Variants in SVEP1 observed in about 807,000 individuals in gnomAD.
SVEP1 encodes the protein sushi, von Willebrand factor type A, EGF and pentraxin domain-containing protein 1.
In SVEP1, 164 loss-of-function variants were observed where a neutral mutation model predicts 367.3. That is an observed-to-expected ratio of 0.45 (90% CI 0.39 to 0.51). SVEP1 has a LOEUF of 0.51. SVEP1 is among the 20% of genes least tolerant of loss of function. The pLI, the probability that SVEP1 is intolerant of heterozygous loss-of-function variation, is 0.00. For missense variants in SVEP1, 4,117 were observed against 4,425.3 expected (o/e 0.93, Z 1.98); for synonymous variants, 1,666 against 1,611.6 (o/e 1.03, Z -0.81).
intron 41 of SVEP1, among the ~76,000 whole-genome samples, chr9:110,388,599 C>T (rs1034507983): frequency 1.3e-5 from 2 of 152,046 alleles, no homozygotes; most frequent in African/African-American, 4.8e-5. Context: ...CTTCTTTCAG[C>T]CCAAAGTTGA....
intron 16 of SVEP1, 43 bp from the exon 17 acceptor site, chr9:110,469,144 G>A (rs756781539): frequency 6.4e-7 from 1 of 1,552,386 alleles, no homozygotes; most frequent in South Asian, 1.2e-5. Flanking sequence ...AACTACAACG[G>A]TGGAACACAC....
At chr9:110,385,096 G>T (rs10739298) in intron 43 of SVEP1, among the ~76,000 whole-genome samples, 128,720 of 151,902 alleles carry the variant, frequency 0.85, 54,872 homozygotes, top group African/African-American at 0.94. Context: ...TTTTCCTACC[G>T]CAGCCGCCTG....
At chr9:110,382,883 C>T (rs758115901) in intron 43 of SVEP1, among the ~76,000 whole-genome samples, 3 of 152,118 alleles carry the variant, frequency 2.0e-5, no homozygotes, top group Admixed American at 6.5e-5. Context: ...GTGAAGTTCT[C>T]GTGTTGTGTT....
intron 3 of SVEP1, among the ~76,000 whole-genome samples, chr9:110,521,226 T>A (rs1203840365): frequency 1.3e-5 from 2 of 152,204 alleles, no homozygotes; most frequent in Non-Finnish European, 2.9e-5. Context: ...CCTCAATGAA[T>A]TAGACAAGGA....
chr9:110,537,447 T>G, intron 3 of SVEP1, among the ~76,000 whole-genome samples: 1 of 151,924 alleles, frequency 6.6e-6, no homozygotes, highest in Non-Finnish European at 1.5e-5. Flanking sequence ...TGATAATAAC[T>G]CAGTCTAGTA....
Position 110,435,368 on chromosome 9 carries a change from A to C in SVEP1, c.4765-4T>G. On this transcript the variant is annotated splice_region_variant and splice_polypyrimidine_tract_variant and intron_variant, in intron 28 of 47. Coordinates refer to ENST00000374469, the MANE Select transcript of SVEP1 (RefSeq NM_153366.4). ...AGGAGGTAGCCAGTGACTTCACCTG[A>C]AAGTTTAATAACACTTTAGATAAGC... 6.2e-7 allele frequency: 1 copy of C among 1,612,704 alleles called. No homozygotes were observed. The highest frequency in any genetic ancestry group is 1.7e-4 in the Middle Eastern group (1 of 6,052).
rs148803619 is a variant in SVEP1, at chr9:110,387,904, G to A, written c.9887-446C>T. On this transcript the variant is annotated intron_variant, in intron 41 of 47. Transcript: ENST00000374469. ...TAACAAATACATTTTTAGTATAAGC[G>A]TGTCTCCGATATTGCATATTTATAA... Among the ~76,000 whole-genome samples, 32 of 152,060 alleles carry A rather than the reference G, an allele frequency of 2.1e-4. No individual in the cohort carries two copies. The East Asian group carries it at 5.4e-3, about 26-fold the overall frequency.
chr9:110,436,337 C>T, intron 28 of SVEP1, 43 bp downstream of exon 28: 2 of 1,610,338 alleles, frequency 1.2e-6, no homozygotes, highest in African/African-American at 1.3e-5. Context: ...TAGGTTTGTA[C>T]CTTTGCATCT....
intron 3 of SVEP1, among the ~76,000 whole-genome samples, chr9:110,518,719 T>C (rs1829840037): frequency 6.6e-6 from 1 of 152,188 alleles, no homozygotes; most frequent in Non-Finnish European, 1.5e-5. Context: ...TCTTTGGTTC[T>C]TATTCCCTAA....
At chr9:110,544,580 C>T (rs1830193906) in intron 3 of SVEP1, among the ~76,000 whole-genome samples, 1 of 151,966 alleles carries the variant, frequency 6.6e-6, no homozygotes, top group Non-Finnish European at 1.5e-5. Flanking sequence ...TATAAGAAAA[C>T]CTAGAGACGG....
In SVEP1 at chr9:110,379,403, A is replaced by T; in HGVS notation, c.10352T>A (p.Phe3451Tyr). The stretch of plus-strand genomic sequence containing the variant: ...ATTTTCTAAACAAACACTCCTCAGG[A>T]AACCCTCCAACATGTATCCACTGTA... ...SCYSGYMLEG[F>Y]LRSVCLENGT... Residue 3451 changes from phenylalanine to tyrosine, a missense_variant, in exon 44 of 48, where the codon TTC becomes TAC. Around this residue, in one of 4 missense-constraint regions of SVEP1, gnomAD observed 1,765 missense variants for 1,781.1 expected, o/e 0.99. Coordinates refer to ENST00000374469, the MANE Select transcript of SVEP1 (RefSeq NM_153366.4). 1 of 1,613,854 alleles carries T rather than the reference A, an allele frequency of 6.2e-7. No homozygotes were observed. Among genetic ancestry groups the T allele is most frequent in the South Asian group, 1.1e-5 (1 of 91,070 alleles).
intron 36 of SVEP1, among the ~76,000 whole-genome samples, chr9:110,415,011 T>C (rs538044381): frequency 3.0e-4 from 45 of 152,034 alleles, no homozygotes; most frequent in South Asian, 1.2e-3. Context: ...AACATGAGCA[T>C]GAAAAGGAAA....
rs77415985 is a variant in SVEP1 at position 110,477,768 on chromosome 9, T to G, written c.2488-1453A>C. On this transcript the variant is annotated intron_variant, in intron 13 of 47. Transcript: ENST00000374469. Reference sequence around the variant, plus strand: ...CTACTGAATCTACTTTCAGAAGATATAAAAAAAATCCATTCACTTCTCACC... The same window carrying G: ...CTACTGAATCTACTTTCAGAAGATAGAAAAAAAATCCATTCACTTCTCACC... 8.2e-3 allele frequency among the ~76,000 whole-genome samples: 1,247 copies of G among 152,020 alleles called. 15 individuals carry two copies. Among genetic ancestry groups the G allele is most frequent in the African/African-American group, 0.029 (1,205 of 41,470 alleles).
chr9:110,552,948 G>T (rs1830309639), intron 1 of SVEP1, among the ~76,000 whole-genome samples: 2 of 152,190 alleles, frequency 1.3e-5, no homozygotes, highest in Admixed American at 6.5e-5. Context: ...ATAAAGGTAT[G>T]GCAGTAGATG....
At chr9:110,539,134 CACTT>C (rs1298608996) in intron 3 of SVEP1, among the ~76,000 whole-genome samples, 1 of 151,970 alleles carries the variant, frequency 6.6e-6, no homozygotes, top group Admixed American at 6.6e-5. Context: ...TTTTCTTGAG[CACTT>C]ACTTACTATA....
At chr9:110,526,993 A>C (rs1205765057) in intron 3 of SVEP1, among the ~76,000 whole-genome samples, 1 of 152,146 alleles carries the variant, frequency 6.6e-6, no homozygotes, top group Non-Finnish European at 1.5e-5. Context: ...AGAAATAGAG[A>C]ATACATTAGT....
intron 40 of SVEP1, among the ~76,000 whole-genome samples, chr9:110,397,707 CAGAG>C (rs1052845356): frequency 2.0e-5 from 3 of 151,912 alleles, no homozygotes; most frequent in Non-Finnish European, 2.9e-5. Context: ...ATAAGAGAAA[CAGAG>C]AGCCAAATCA....
In SVEP1 at chr9:110,457,345, T is replaced by C. The variant is rs1431819888; in HGVS notation, c.3584A>G (p.His1195Arg). 1.9e-6 allele frequency: 3 copies of C among 1,609,428 alleles called. No individual in the cohort carries two copies. The highest frequency in any genetic ancestry group is 2.5e-6 in the Non-Finnish European group (3 of 1,178,764). Residue 1195 changes from histidine to arginine, a missense_variant, in exon 21 of 48, where the codon CAT (histidine) becomes CGT (arginine). His to Arg is a conservative substitution (Grantham distance 29). Transcript: ENST00000374469. The part of the protein sequence containing the change: ...KRHEISSQVF[H>R]ECFFNPCHNS... ...GTGGCAAGGGTTAAAGAAGCATTCA[T>C]GGAAAACCTACCAGTAGCATAAAAA... is the stretch of plus-strand genomic sequence containing the variant.
intron 22 of SVEP1, among the ~76,000 whole-genome samples, chr9:110,453,013 T>C (rs1157761898): frequency 2.0e-5 from 3 of 152,198 alleles, no homozygotes; most frequent in African/African-American, 7.2e-5. Context: ...AGAAAATATA[T>C]GAGTTGTTCC....
Sources: gnomAD v4.1 joint callset for allele counts (sites outside exome capture counted in the v4.1 genomes callset) on GRCh38, gnomAD v4.1.1 for gene constraint, gnomAD v4.1.1 regional missense constraint, MANE v1.5 for transcripts, NCBI Gene and HGNC (gene_info 2026-07-23, HGNC 2026-07-21) for gene names.